The following NALF1 variants were observed in gnomAD, a reference collection of about 807,000 sequenced individuals.
NALF1 encodes the protein NALCN channel auxiliary factor 1.
In NALF1, 3 loss-of-function variants were observed where a neutral mutation model predicts 48.4. The observed-to-expected ratio is 0.06, with a 90% CI of 0.03 to 0.16. The LOEUF is 0.16. Ranked by LOEUF, NALF1 falls within the 10% of genes least tolerant of loss-of-function variation. NALF1 has a pLI of 1.00. For missense variants in NALF1, 526 were observed against 571.5 expected (o/e 0.92, Z 0.81); for synonymous variants, 262 against 245.7 (o/e 1.07, Z -0.62).
chr13:107,200,992 C>T (rs931220190), intron 2 of NALF1, among the ~76,000 whole-genome samples: 1 of 152,132 alleles, frequency 6.6e-6, no homozygotes, highest in Non-Finnish European at 1.5e-5. Flanking sequence ...GAACACTCAT[C>T]CAGTGAAATT....
Position 107,866,049 on chromosome 13 carries a change from G to A in NALF1, c.548C>T (p.Thr183Met), listed in dbSNP as rs983151778. 2.5e-6 allele frequency: 4 copies of A among 1,612,492 alleles called. No homozygotes were observed. The highest frequency in any genetic ancestry group is 1.3e-5 in the African/African-American group (1 of 74,928). The change falls in exon 1 of 3, where the codon ACG becomes ATG. Residue 183 changes from threonine (T) to methionine (M), a missense_variant. By Grantham distance (81) the Thr-to-Met change is moderately conservative. This residue lies in a region of NALF1 where 373 missense variants were observed against 355.5 expected (regional missense o/e 1.05). Transcript: ENST00000375915. This position sits in a 1 kb window ranked among gnomAD's most constrained non-coding sequence, Gnocchi z 4.4. ...PQGASSGQCF[T>M]VENADAVCAR... ...GCACACCGCGTCCGCATTCTCCACCGTGAAGCACTGGCCCGAGGACGCGCC... is the reference window on the plus strand; with the variant it reads ...GCACACCGCGTCCGCATTCTCCACCATGAAGCACTGGCCCGAGGACGCGCC...
chr13:107,442,897 T>C (rs1594065521), intron 1 of NALF1, among the ~76,000 whole-genome samples: 1 of 152,164 alleles, frequency 6.6e-6, no homozygotes, highest in African/African-American at 2.4e-5. Context: ...TGCAGACTCA[T>C]ATAACGCAAG....
chr13:107,374,292 A>G (rs1324907131), intron 1 of NALF1, among the ~76,000 whole-genome samples: 1 of 152,178 alleles, frequency 6.6e-6, no homozygotes, highest in African/African-American at 2.4e-5. Flanking sequence ...TGTCTAAAAC[A>G]TTCACCATCA....
Position 107,218,739 on chromosome 13 carries a change from G to T in NALF1, c.916-7984C>A, listed in dbSNP as rs552037786. 2.6e-5 allele frequency among the ~76,000 whole-genome samples: 4 copies of T among 152,292 alleles called. No individual in the cohort carries two copies. The East Asian group carries it at 7.7e-4, about 29-fold the overall frequency. ...GGTCCTAAAGCACAATATGGGATTG[G>T]GTTGCAAGCTGAGAAAGATTGTCAC... On this transcript the variant is annotated intron_variant, in intron 1 of 2. Coordinates refer to ENST00000375915, the MANE Select transcript of NALF1 (RefSeq NM_001080396.3).
chr13:107,522,848 C>T (rs1171946977), intron 1 of NALF1, among the ~76,000 whole-genome samples: 2 of 151,982 alleles, frequency 1.3e-5, no homozygotes, highest in South Asian at 4.2e-4. Context: ...CAACTCCTGA[C>T]CTCAGGTGAT....
chr13:107,774,204 G>A (rs1877660418), intron 1 of NALF1, among the ~76,000 whole-genome samples: 1 of 152,140 alleles, frequency 6.6e-6, no homozygotes, highest in Admixed American at 6.6e-5. Flanking sequence ...TTAAATATGT[G>A]TATTTGTATT....
intron 1 of NALF1, among the ~76,000 whole-genome samples, chr13:107,345,361 A>G (rs1220533255): frequency 6.6e-6 from 1 of 152,204 alleles, no homozygotes; most frequent in African/African-American, 2.4e-5. Flanking sequence ...AATCTTGACA[A>G]AGAAGAGAAA....
intron 1 of NALF1, among the ~76,000 whole-genome samples, chr13:107,260,100 C>T (rs1042510621): frequency 6.6e-6 from 1 of 152,202 alleles, no homozygotes; most frequent in Non-Finnish European, 1.5e-5. Context: ...TGTACTGCAT[C>T]ATATACATAA....
At chr13:107,657,816 T>C (rs1232186829) in intron 1 of NALF1, among the ~76,000 whole-genome samples, 3 of 152,188 alleles carry the variant, frequency 2.0e-5, no homozygotes, top group East Asian at 1.9e-4. Flanking sequence ...TTTGTTGAGA[T>C]TGCTCACCCA....
intron 2 of NALF1, among the ~76,000 whole-genome samples, chr13:107,205,471 T>G (rs995087045): frequency 1.3e-5 from 2 of 152,066 alleles, no homozygotes; most frequent in Non-Finnish European, 2.9e-5. Flanking sequence ...CCTTTCAGAC[T>G]CTCTGCAGGC....
intron 1 of NALF1, among the ~76,000 whole-genome samples, chr13:107,863,607 A>T (rs1026859910): frequency 1.3e-5 from 2 of 152,334 alleles, no homozygotes; most frequent in East Asian, 1.9e-4. Context: ...GCGAAGACTA[A>T]GTTTTTAAAG....
intron 1 of NALF1, among the ~76,000 whole-genome samples, chr13:107,388,129 G>T (rs1217796249): frequency 1.3e-5 from 2 of 152,176 alleles, no homozygotes; most frequent in African/African-American, 4.8e-5. Context: ...GTTATTAAAA[G>T]ATCAGAGGCA....
chr13:107,678,292 G>T (rs1881185807), intron 1 of NALF1, among the ~76,000 whole-genome samples: 1 of 152,164 alleles, frequency 6.6e-6, no homozygotes, highest in Non-Finnish European at 1.5e-5. Context: ...GGAGGTGTGT[G>T]AGGGCCACGA....
intron 1 of NALF1, among the ~76,000 whole-genome samples, chr13:107,308,831 C>T (rs1202923103): frequency 6.6e-6 from 1 of 152,232 alleles, no homozygotes; most frequent in Non-Finnish European, 1.5e-5. Context: ...GGATGGCTTG[C>T]TACAGTAGAT....
intron 1 of NALF1, among the ~76,000 whole-genome samples, chr13:107,757,274 A>T (rs961221478): frequency 1.3e-5 from 2 of 152,182 alleles, no homozygotes; most frequent in Non-Finnish European, 2.9e-5. Flanking sequence ...GACATCCCAT[A>T]AATGTTACTG....
chr13:107,467,305 C>A, intron 1 of NALF1, among the ~76,000 whole-genome samples: 2 of 152,028 alleles, frequency 1.3e-5, no homozygotes, highest in African/African-American at 4.8e-5. Flanking sequence ...ATTTTGGCAC[C>A]TAAAATAGAT....
intron 1 of NALF1, among the ~76,000 whole-genome samples, chr13:107,423,395 A>G (rs1884226130): frequency 6.6e-6 from 1 of 152,158 alleles, no homozygotes; most frequent in Non-Finnish European, 1.5e-5. Context: ...AGAGACAGGA[A>G]AGAAAGCTTT....
intron 1 of NALF1, among the ~76,000 whole-genome samples, chr13:107,770,088 AT>A (rs1258486165): frequency 2.6e-5 from 4 of 151,644 alleles, no homozygotes; most frequent in African/African-American, 4.8e-5. Flanking sequence ...AATTTTTTGT[AT>A]TTTTTAGTAG....
intron 1 of NALF1, among the ~76,000 whole-genome samples, chr13:107,827,539 GGC>G (rs1566497635): frequency 6.6e-6 from 1 of 152,148 alleles, no homozygotes; most frequent in Non-Finnish European, 1.5e-5. Flanking sequence ...CTGGCCATCG[GGC>G]AGTGTTAGAA....
Sources: allele counts gnomAD v4.1 joint callset (sites outside exome capture counted in the v4.1 genomes callset), GRCh38; gene constraint gnomAD v4.1.1; regional missense constraint gnomAD v4.1.1; non-coding constraint Gnocchi (gnomAD v3.1); transcripts MANE v1.5; gene names NCBI Gene and HGNC (gene_info 2026-07-23, HGNC 2026-07-21).